The following SCAP variants were observed in gnomAD, a reference collection of about 807,000 sequenced individuals.
SCAP encodes sterol regulatory element-binding protein cleavage-activating protein.
Under a neutral mutation model 123.6 loss-of-function variants are expected in SCAP, and 65 were observed. The observed-to-expected ratio is 0.53, with a 90% confidence interval of 0.43 to 0.65. The LOEUF (loss-of-function observed/expected upper bound fraction) is 0.65, where lower values mean the gene tolerates loss of function less well. Among genes scored for constraint, SCAP ranks in the 30% least tolerant of loss-of-function variants. The pLI, the probability that SCAP is intolerant of heterozygous loss-of-function variation, is 0.00. For synonymous variants in SCAP, 740 were observed against 726.3 expected (o/e 1.02, Z -0.30); for missense variants, 1,398 against 1,712.5 (o/e 0.82, Z 3.24).
chr3:47,434,958 G>A (rs749294616), intron 3 of SCAP, 50 bp downstream of exon 3: 1 of 1,613,278 alleles, frequency 6.2e-7, no homozygotes, highest in Non-Finnish European at 8.5e-7. Context: ...GCCTCAGCCA[G>A]TCTCCACCCA....
chr3:47,422,683 C>T (rs1705956622), intron 9 of SCAP, 147 bp from the exon 10 acceptor site: 2 of 603,318 alleles, frequency 3.3e-6, no homozygotes, highest in Non-Finnish European at 5.8e-6. Context: ...CCCCAACCCT[C>T]AGGGTCCTGC....
In SCAP at chr3:47,426,639, G is replaced by T. The variant is rs181042654; in HGVS notation, c.738-470C>A. On this transcript the variant is annotated intron_variant, in intron 6 of 22. Coordinates refer to ENST00000265565, the MANE Select transcript of SCAP (RefSeq NM_012235.4). Reference sequence around the variant, plus strand: ...TTTTTAGTAGAGACGGGGTTTCACCGTGTTAGCCAGGATGGTCTCGATCTC... The same window carrying T: ...TTTTTAGTAGAGACGGGGTTTCACCTTGTTAGCCAGGATGGTCTCGATCTC... 5.3e-5 allele frequency among the ~76,000 whole-genome samples: 8 copies of T among 152,152 alleles called. No homozygotes were observed. The East Asian group carries it at 1.6e-3, about 30-fold the overall frequency.
intron 1 of SCAP, among the ~76,000 whole-genome samples, chr3:47,453,343 G>A (rs1001999509): frequency 6.6e-6 from 1 of 151,160 alleles, no homozygotes; most frequent in African/African-American, 2.4e-5. Context: ...AGAAGTTCGA[G>A]ACCAGTCTGG....
intron 1 of SCAP, among the ~76,000 whole-genome samples, chr3:47,456,609 T>G (rs956837754): frequency 2.5e-4 from 38 of 150,198 alleles, no homozygotes; most frequent in African/African-American, 9.1e-4. Context: ...CTACTAAAAA[T>G]ACAAAAATTA....
chr3:47,437,635 C>T (rs1037786142), intron 2 of SCAP, among the ~76,000 whole-genome samples: 5 of 151,302 alleles, frequency 3.3e-5, no homozygotes, highest in Admixed American at 6.6e-5. Context: ...AGTCCCAGCT[C>T]GGGAGGCTTA....
intron 1 of SCAP, among the ~76,000 whole-genome samples, chr3:47,472,138 T>A (rs542031291): frequency 6.8e-6 from 1 of 146,396 alleles, no homozygotes; most frequent in Non-Finnish European, 1.5e-5. Flanking sequence ...AAAATAATAA[T>A]AATAATTAAA....
intron 10 of SCAP, chr3:47,421,441 CAGAA>C (rs541829747): frequency 5.8e-6 from 1 of 171,204 alleles, no homozygotes; most frequent in African/African-American, 2.4e-5. Flanking sequence ...CAGGGGCTCT[CAGAA>C]AGGTTCCCAG....
chr3:47,472,460 A>AAATAATAATAAT (rs34363569), intron 1 of SCAP, among the ~76,000 whole-genome samples: 11 of 145,702 alleles, frequency 7.5e-5, no homozygotes, highest in African/African-American at 1.5e-4. Flanking sequence ...AAATAAAATA[A>AAATAATAATAAT]AATAATAATA....
At chr3:47,431,311 A>T (rs968395957) in intron 3 of SCAP, among the ~76,000 whole-genome samples, 1 of 1,900 alleles carries the variant, frequency 5.3e-4, no homozygotes, top group African/African-American at 5.7e-4. Flanking sequence ...GTGAATTTTT[A>T]AATAATTTAG....
chr3:47,427,222 G>A lies in SCAP; in HGVS notation c.672C>T (p.Ser224=). ...FGVPGKYSGV[S]LYTRKRMVSY... Reference sequence around the variant, plus strand: ...AGACCATCCTCTTCCTGGTGTAGAGGCTCACCCCGCTGTACTTCCCAGGAA... The same window carrying A: ...AGACCATCCTCTTCCTGGTGTAGAGACTCACCCCGCTGTACTTCCCAGGAA... The change falls in exon 6 of 23, where the codon AGC becomes AGT. Residue 224 remains serine, a synonymous_variant. Coordinates refer to ENST00000265565, the MANE Select transcript of SCAP (RefSeq NM_012235.4). 6.2e-7 allele frequency: 1 copy of A among 1,613,322 alleles called. No homozygotes were observed. Among genetic ancestry groups the A allele is most frequent in the South Asian group, 1.1e-5 (1 of 91,048 alleles).
intron 1 of SCAP, among the ~76,000 whole-genome samples, chr3:47,473,215 T>C (rs1011251295): frequency 6.6e-6 from 1 of 151,630 alleles, no homozygotes; most frequent in African/African-American, 2.4e-5. Flanking sequence ...CCAGGGCCAG[T>C]CAAATAACTT....
intron 18 of SCAP, 108 bp downstream of exon 18, chr3:47,417,014 G>T: frequency 1.1e-6 from 1 of 943,788 alleles, no homozygotes; most frequent in South Asian, 1.6e-5. Flanking sequence ...AAGGTCAATC[G>T]AATCATACAG....
Position 47,417,384 on chromosome 3 carries a change from G to A in SCAP, c.2890C>T (p.Pro964Ser), listed in dbSNP as rs1348207034. The A allele has an allele frequency of 1.9e-6, 3 of 1,600,340 alleles. No individual in the cohort carries two copies. The highest frequency in any genetic ancestry group is 2.3e-5 in the East Asian group (1 of 43,876). The stretch of plus-strand genomic sequence containing the variant: ...CTCCAGATGGAACCCTCGGCACTGG[G>A]GGCCCAGGCGAGGGAAGGGGAGCCT... ...EKGSPSLAWA[P>S]SAEGSIWSLE... The change falls in exon 17 of 23, where the codon CCC becomes TCC. Residue 964 changes from proline (P) to serine (S), a missense_variant. Physicochemically the swap from Pro to Ser is moderately conservative, Grantham distance 74. Transcript: ENST00000265565.
chr3:47,465,207 G>C (rs1475440923), intron 1 of SCAP, among the ~76,000 whole-genome samples: 2 of 147,984 alleles, frequency 1.4e-5, no homozygotes, highest in Non-Finnish European at 3.0e-5. Flanking sequence ...GTCTTGCTCT[G>C]TCACCCAGGC....
At chr3:47,446,557 G>A (rs2107933724) in intron 1 of SCAP, among the ~76,000 whole-genome samples, 1 of 152,032 alleles carries the variant, frequency 6.6e-6, no homozygotes, top group East Asian at 1.9e-4. Context: ...TTTCTTTTGA[G>A]TATATTCATT....
intron 2 of SCAP, among the ~76,000 whole-genome samples, chr3:47,438,067 G>A (rs1464568400): frequency 6.6e-6 from 1 of 152,004 alleles, no homozygotes; most frequent in Non-Finnish European, 1.5e-5. Context: ...AAGAGACAGT[G>A]GTATCTCAGC....
chr3:47,413,694 GCCTGA>G lies in SCAP; in HGVS notation c.*155_*159del, dbSNP rs1274217808. ...AAGAGACACAAGTAGCTCCCAAAGT[GCCTGA>G]CAGATGATGATATGGTTTTTTAAAA... On this transcript the variant is annotated 3_prime_UTR_variant, in exon 23 of 23. Transcript: ENST00000265565. 7.8e-5 allele frequency: 77 copies of G among 985,950 alleles called. No homozygotes were observed. The highest frequency in any genetic ancestry group is 5.9e-5 in the Non-Finnish European group (39 of 666,448). 61.1% of individuals were successfully genotyped at this position (985,950 alleles called of 1,614,324 possible). A position where few individuals can be genotyped will look rare whatever the true frequency, so the allele number is the denominator to read the frequency against.
At position 47,428,685 on chromosome 3, in the gene SCAP, A is replaced by G; in HGVS notation, c.253-15T>C. On this transcript the variant is annotated splice_polypyrimidine_tract_variant and intron_variant, in intron 3 of 22. Coordinates refer to ENST00000265565, the MANE Select transcript of SCAP (RefSeq NM_012235.4). ...GCACCCACATACTGCAGAAGAAATG[A>G]GGGAGGGCAGAAAGGGCAGCTGAGC... The G allele has an allele frequency of 6.2e-7, 1 of 1,612,798 alleles. No individual in the cohort carries two copies. The highest frequency in any genetic ancestry group is 8.5e-7 in the Non-Finnish European group (1 of 1,179,196).
intron 1 of SCAP, among the ~76,000 whole-genome samples, chr3:47,461,304 T>A (rs1346123307): frequency 6.6e-6 from 1 of 152,188 alleles, no homozygotes; most frequent in African/African-American, 2.4e-5. Flanking sequence ...AAACAAAGAT[T>A]TTGTTTCTGT....
Sources: gnomAD v4.1 joint callset for allele counts (sites outside exome capture counted in the v4.1 genomes callset) on GRCh38, gnomAD v4.1.1 for gene constraint, MANE v1.5 for transcripts, NCBI Gene and HGNC (gene_info 2026-07-23, HGNC 2026-07-21) for gene names.